Variants in ACSL3 observed in about 807,000 individuals in gnomAD.
ACSL3 encodes fatty acid CoA ligase Acsl3.
Under a neutral mutation model 84.7 loss-of-function variants are expected in ACSL3, and 34 were observed. The observed-to-expected ratio is 0.40, with a 90% CI of 0.31 to 0.53. The LOEUF is 0.53. ACSL3 is among the 20% of genes least tolerant of loss of function. The pLI is 0.48. For synonymous variants in ACSL3, 315 were observed against 299.4 expected, an observed-to-expected ratio of 1.05 and a Z score of -0.54; for missense variants, 680 against 873.1, an observed-to-expected ratio of 0.78 and a Z score of 2.79.
At chr2:222,864,349 A>C (rs1695084335) in intron 1 of ACSL3, among the ~76,000 whole-genome samples, 1 of 151,906 alleles carries the variant, frequency 6.6e-6, no homozygotes, top group Non-Finnish European at 1.5e-5. Flanking sequence ...GCAAGAGCTC[A>C]AACCATGGGT....
At chr2:222,933,372 C>A in intron 15 of ACSL3, 92 bp downstream of exon 15, 1 of 861,750 alleles carries the variant, frequency 1.2e-6, no homozygotes, top group Non-Finnish European at 1.8e-6. Flanking sequence ...TAAAAATGTT[C>A]CGAGAACTCT....
chr2:222,940,931 C>T (rs1429224028), intron 16 of ACSL3, among the ~76,000 whole-genome samples: 17 of 151,284 alleles, frequency 1.1e-4, no homozygotes, highest in Non-Finnish European at 2.2e-4. Context: ...GATGGGGTTT[C>T]GCTCTGTTGC....
chr2:222,882,435 C>T (rs1024268907), intron 1 of ACSL3, among the ~76,000 whole-genome samples: 19 of 152,142 alleles, frequency 1.2e-4, no homozygotes, highest in African/African-American at 2.9e-4. Flanking sequence ...GACCCAGTTT[C>T]GTGGAAGACA....
At chr2:222,901,029 A>C (rs1272669736) in intron 3 of ACSL3, among the ~76,000 whole-genome samples, 1 of 152,174 alleles carries the variant, frequency 6.6e-6, no homozygotes, top group African/African-American at 2.4e-5. Flanking sequence ...GTGGTGCCAT[A>C]ACTTCTAAAG....
intron 14 of ACSL3, 45 bp from the exon 15 acceptor site, chr2:222,933,115 CTAATAT>C: frequency 1.8e-6 from 2 of 1,081,908 alleles, no homozygotes; most frequent in Non-Finnish European, 2.8e-6. Context: ...TTAAATGTTA[CTAATAT>C]TATTACTCAT....
At chr2:222,915,038 A>G (rs1265837427) in intron 4 of ACSL3, among the ~76,000 whole-genome samples, 4 of 152,224 alleles carry the variant, frequency 2.6e-5, no homozygotes, top group Non-Finnish European at 2.9e-5. Flanking sequence ...ATAGTCTTTG[A>G]AATTTATAAA....
intron 4 of ACSL3, among the ~76,000 whole-genome samples, chr2:222,913,343 C>G (rs1489664188): frequency 1.3e-5 from 2 of 152,094 alleles, no homozygotes; most frequent in African/African-American, 4.8e-5. Flanking sequence ...AACTTATTTT[C>G]TGATTTATTA....
chr2:222,916,255 T>C, intron 4 of ACSL3, 64 bp from the exon 5 acceptor site: 5 of 1,102,568 alleles, frequency 4.5e-6, no homozygotes, highest in Non-Finnish European at 6.1e-6. Context: ...TTGGACGATA[T>C]TCTGGTTTCT....
intron 11 of ACSL3, among the ~76,000 whole-genome samples, chr2:222,924,884 G>A (rs1231354991): frequency 2.6e-5 from 4 of 152,048 alleles, no homozygotes; most frequent in Non-Finnish European, 4.4e-5. Context: ...AAATTAGCGG[G>A]GCTTGGTGGC....
intron 4 of ACSL3, among the ~76,000 whole-genome samples, chr2:222,910,954 G>A (rs1696425234): frequency 6.6e-6 from 1 of 151,790 alleles, no homozygotes; most frequent in South Asian, 2.1e-4. Context: ...AAGCATGTTT[G>A]ATTTTTCTTT....
intron 1 of ACSL3, among the ~76,000 whole-genome samples, chr2:222,878,048 T>G (rs1021370539): frequency 1.3e-5 from 2 of 152,218 alleles, no homozygotes; most frequent in African/African-American, 4.8e-5. Context: ...TGTGCTTTAT[T>G]CACTGCTGCA....
In ACSL3 at chr2:222,861,067, A is replaced by C. The variant is rs536570300; in HGVS notation, c.-398A>C. 2 of 152,080 alleles carry C rather than the reference A, an allele frequency of 1.3e-5. No individual in the cohort carries two copies. The highest frequency in any genetic ancestry group is 2.9e-5 in the Non-Finnish European group (2 of 68,022). The allele number at this position is 152,080 out of a possible 1,614,324, so 9.4% of individuals were successfully genotyped here. ...TGCTGTGGCTGCGCCGGGCTGCGAC[A>C]CTGCAGTTGTCTACGCGGCCGGGGC... is the stretch of plus-strand genomic sequence containing the variant. On this transcript the variant is annotated 5_prime_UTR_variant, in exon 1 of 17. Transcript: ENST00000357430.
At chr2:222,875,459 TAAAA>T (rs954391774) in intron 1 of ACSL3, among the ~76,000 whole-genome samples, 1 of 152,188 alleles carries the variant, frequency 6.6e-6, no homozygotes, top group Non-Finnish European at 1.5e-5. Flanking sequence ...TTCAATGAAA[TAAAA>T]AAATTCATTG....
intron 16 of ACSL3, among the ~76,000 whole-genome samples, chr2:222,938,361 C>A (rs919846153): frequency 2.6e-5 from 4 of 152,112 alleles, no homozygotes; most frequent in South Asian, 2.1e-4. Context: ...TGGTGATAAA[C>A]CCCCTCTACT....
At chr2:222,866,435 T>C (rs961389812) in intron 1 of ACSL3, among the ~76,000 whole-genome samples, 11 of 152,134 alleles carry the variant, frequency 7.2e-5, no homozygotes, top group Non-Finnish European at 1.2e-4. Flanking sequence ...TGGGAGCTAC[T>C]GCGCTGACTG....
At chr2:222,930,090 G>A (rs1307118675) in intron 13 of ACSL3, among the ~76,000 whole-genome samples, 1 of 151,578 alleles carries the variant, frequency 6.6e-6, no homozygotes, top group African/African-American at 2.4e-5. Context: ...CACCATGCCC[G>A]ACTAATTTTT....
At position 222,911,210 on chromosome 2, in the gene ACSL3, C is replaced by T. The variant is rs187245671; in HGVS notation, c.378+2060C>T. Among the ~76,000 whole-genome samples, 34 of 152,186 alleles carry T rather than the reference C, an allele frequency of 2.2e-4. No individual in the cohort carries two copies. In the East Asian group the frequency reaches 5.0e-3, roughly 23 times the overall value. ...GATTACAGGCATGCGCCACCACGTC[C>T]GGCTAATTTTGTGTTTTTAGTAGAG... On this transcript the variant is annotated intron_variant, in intron 4 of 16. Coordinates refer to ENST00000357430, the MANE Select transcript of ACSL3 (RefSeq NM_004457.5).
At chr2:222,885,147 G>A (rs1033335748) in intron 1 of ACSL3, among the ~76,000 whole-genome samples, 3 of 152,058 alleles carry the variant, frequency 2.0e-5, no homozygotes, top group Admixed American at 2.0e-4. Flanking sequence ...TTTATTGAGG[G>A]CCAATTACAT....
At chr2:222,887,923 TTTTA>T (rs1165628132) in intron 2 of ACSL3, 35 bp downstream of exon 2, 5 of 152,296 alleles carry the variant, frequency 3.3e-5, no homozygotes, top group Admixed American at 1.3e-4. Context: ...AATAGATTTC[TTTTA>T]TTTGTTATAA....
Sources: gnomAD v4.1 joint callset for allele counts (sites outside exome capture counted in the v4.1 genomes callset) on GRCh38, gnomAD v4.1.1 for gene constraint, MANE v1.5 for transcripts, NCBI Gene and HGNC (gene_info 2026-07-23, HGNC 2026-07-21) for gene names.